STAU2: variants seen among roughly 807,000 people sequenced by gnomAD.
STAU2 encodes the protein staufen double-stranded RNA binding protein 2.
A neutral mutation model predicts 65.9 loss-of-function variants in STAU2; 20 were observed. The observed-to-expected ratio is 0.30, with a 90% CI of 0.21 to 0.44. The LOEUF (loss-of-function observed/expected upper bound fraction) is 0.44, where lower values mean the gene tolerates loss of function less well. Ranked by LOEUF, STAU2 falls within the 20% of genes least tolerant of loss-of-function variation. The probability of loss-of-function intolerance (pLI) is 1.00; values close to 1 mark genes in which losing one functional copy is unlikely to be tolerated. For missense variants in STAU2, 558 were observed against 683.9 expected (o/e 0.82, Z 2.05); for synonymous variants, 232 against 233.9 (o/e 0.99, Z 0.07).
At chr8:73,613,171 G>C (rs183253533) in intron 9 of STAU2, among the ~76,000 whole-genome samples, 67 of 152,288 alleles carry the variant, frequency 4.4e-4, no homozygotes, top group Admixed American at 3.0e-3. Flanking sequence ...AAAGTGTTGG[G>C]ACAAAGTCTG....
At chr8:73,746,894 T>G (rs976812863), upstream of STAU2, 3 of 831,690 alleles carry the variant, frequency 3.6e-6, no homozygotes, top group Non-Finnish European at 4.4e-6. Flanking sequence ...GCCCCCCGCC[T>G]CCGCCCGCCT....
chr8:73,585,489 T>C (rs1810299906), intron 11 of STAU2, among the ~76,000 whole-genome samples: 1 of 152,202 alleles, frequency 6.6e-6, no homozygotes, highest in Non-Finnish European at 1.5e-5. Context: ...TCAAAACATG[T>C]ATATATTATA....
intron 3 of STAU2, 113 bp from the exon 4 acceptor site, chr8:73,709,275 TG>T: frequency 9.9e-7 from 1 of 1,006,064 alleles, no homozygotes; most frequent in Non-Finnish European, 1.4e-6. Flanking sequence ...TCATGAATTT[TG>T]TATTTTAAAA....
chr8:73,706,579 T>C (rs990255040), intron 4 of STAU2, among the ~76,000 whole-genome samples: 1 of 152,184 alleles, frequency 6.6e-6, no homozygotes, highest in African/African-American at 2.4e-5. Flanking sequence ...CTTAGCCAAT[T>C]AGGATTAATA....
At position 73,421,121 on chromosome 8, in the gene STAU2, A is replaced by T. The variant is rs1361826042; in HGVS notation, c.*251T>A. On this transcript the variant is annotated 3_prime_UTR_variant, in exon 15 of 15. Coordinates refer to ENST00000524300, the MANE Select transcript of STAU2 (RefSeq NM_001164380.2). ...TGTTATTTTAAGCTCCAGTAGCAGG[A>T]TCAGATTTCTGCTGCCTCTAGGCAA... 8 of 396,906 alleles carry T rather than the reference A, an allele frequency of 2.0e-5. No homozygotes were observed. The highest frequency in any genetic ancestry group is 1.6e-4 in the African/African-American group (8 of 48,784). The allele number at this position is 396,906 out of a possible 1,614,324, so 24.6% of individuals were successfully genotyped here.
intron 4 of STAU2, among the ~76,000 whole-genome samples, chr8:73,692,024 A>G (rs1438726144): frequency 6.6e-6 from 1 of 152,022 alleles, no homozygotes; most frequent in Admixed American, 6.6e-5. Context: ...GGGGCTGGAG[A>G]CTGAGTTAAT....
intron 13 of STAU2, among the ~76,000 whole-genome samples, chr8:73,445,317 G>A (rs1028823083): frequency 6.6e-6 from 1 of 152,098 alleles, no homozygotes; most frequent in African/African-American, 2.4e-5. Flanking sequence ...AAGAGATGGC[G>A]GCAGCAGTCC....
At chr8:73,719,387 G>A (rs999020778) in intron 3 of STAU2, among the ~76,000 whole-genome samples, 19 of 152,024 alleles carry the variant, frequency 1.2e-4, no homozygotes, top group African/African-American at 3.4e-4. Context: ...GCAACAGAGC[G>A]AGACTGTCTC....
intron 13 of STAU2, among the ~76,000 whole-genome samples, chr8:73,549,318 T>G (rs1402232592): frequency 6.6e-6 from 1 of 152,152 alleles, no homozygotes; most frequent in East Asian, 1.9e-4. Flanking sequence ...CATTCATTTC[T>G]GACAGAGATC....
intron 12 of STAU2, among the ~76,000 whole-genome samples, chr8:73,573,558 T>C (rs1375141312): frequency 6.6e-6 from 1 of 152,138 alleles, no homozygotes; most frequent in African/African-American, 2.4e-5. Context: ...AACAGAGATA[T>C]AGACCAATGG....
intron 3 of STAU2, among the ~76,000 whole-genome samples, chr8:73,731,286 AATC>A (rs1363926399): frequency 6.6e-6 from 1 of 152,148 alleles, no homozygotes; most frequent in Non-Finnish European, 1.5e-5. Flanking sequence ...CCCCAACGCC[AATC>A]CCAACCCCCT....
intron 13 of STAU2, among the ~76,000 whole-genome samples, chr8:73,485,230 G>T (rs1250673937): frequency 7.1e-6 from 1 of 140,062 alleles, no homozygotes; most frequent in African/African-American, 2.7e-5. Context: ...ATAGTGGAAT[G>T]TGCAGTGGCA....
At chr8:73,550,787 G>C in intron 13 of STAU2, 1 of 987,302 alleles carries the variant, frequency 1.0e-6, no homozygotes, top group Non-Finnish European at 1.2e-6. Context: ...TTCATATTAA[G>C]AGTCCAATTA....
chr8:73,580,414 G>C (rs1453643311), intron 12 of STAU2, among the ~76,000 whole-genome samples: 3 of 152,178 alleles, frequency 2.0e-5, no homozygotes, highest in Non-Finnish European at 2.9e-5. Context: ...GTATGTCAGT[G>C]AGGCAGCCAG....
At chr8:73,694,919 C>T (rs73689027) in intron 4 of STAU2, among the ~76,000 whole-genome samples, 11,031 of 152,274 alleles carry the variant, frequency 0.072, 437 homozygotes, top group Middle Eastern at 0.14. Context: ...TGGACCAGCA[C>T]TAGCTGGAGG....
chr8:73,497,464 T>C (rs1350025336), intron 13 of STAU2, among the ~76,000 whole-genome samples: 2 of 150,910 alleles, frequency 1.3e-5, no homozygotes, highest in African/African-American at 2.4e-5. Flanking sequence ...ATATTGCAAT[T>C]CTTGGCAAAG....
chr8:73,696,333 A>C (rs955957059), intron 4 of STAU2, among the ~76,000 whole-genome samples: 1 of 152,244 alleles, frequency 6.6e-6, no homozygotes, highest in Non-Finnish European at 1.5e-5. Context: ...GACACCAACA[A>C]GTATCTACAA....
chr8:73,608,506 C>T (rs894777297), intron 9 of STAU2, among the ~76,000 whole-genome samples: 6 of 151,142 alleles, frequency 4.0e-5, no homozygotes, highest in African/African-American at 1.5e-4. Context: ...ACTCAGGAGG[C>T]TGAGGAAGGC....
chr8:73,649,270 C>T (rs1815637289), intron 6 of STAU2, among the ~76,000 whole-genome samples: 1 of 152,022 alleles, frequency 6.6e-6, no homozygotes, highest in African/African-American at 2.4e-5. Context: ...TTTTGATATC[C>T]AATAAGTGGC....
Sources: allele counts gnomAD v4.1 joint callset (sites outside exome capture counted in the v4.1 genomes callset), GRCh38; gene constraint gnomAD v4.1.1; transcripts MANE v1.5; gene names NCBI Gene and HGNC (gene_info 2026-07-23, HGNC 2026-07-21).